Variants in DYM observed in about 807,000 individuals in gnomAD.
The protein encoded by DYM is dymeclin.
A neutral mutation model predicts 93.1 loss-of-function variants in DYM; 78 were observed. That is an observed-to-expected ratio of 0.84 (90% confidence interval 0.70 to 1.01). The LOEUF is 1.01. DYM is among the 50% of genes least tolerant of loss of function. The pLI is 0.00. For synonymous variants in DYM, 321 were observed against 319.7 expected (o/e 1.00, Z -0.04); for missense variants, 789 against 845.0 (o/e 0.93, Z 0.82).
At chr18:49,385,334 CA>C (rs1223388957) in intron 3 of DYM, among the ~76,000 whole-genome samples, 1 of 152,188 alleles carries the variant, frequency 6.6e-6, no homozygotes, top group Non-Finnish European at 1.5e-5. Flanking sequence ...CTCACCACAT[CA>C]TCCTAGTGGG....
At chr18:49,343,183 C>T (rs2064299758) in intron 6 of DYM, among the ~76,000 whole-genome samples, 1 of 152,214 alleles carries the variant, frequency 6.6e-6, no homozygotes, top group Admixed American at 6.5e-5. Context: ...CATCCCACAG[C>T]TGCCCACCCC....
At chr18:49,459,391 T>C (rs1434837270) in intron 1 of DYM, among the ~76,000 whole-genome samples, 1 of 152,152 alleles carries the variant, frequency 6.6e-6, no homozygotes, top group Non-Finnish European at 1.5e-5. Context: ...CAGAAATCCA[T>C]ATATTCATAA....
chr18:49,059,089 T>C (rs1204171697), intron 17 of DYM, among the ~76,000 whole-genome samples: 1 of 152,184 alleles, frequency 6.6e-6, no homozygotes, highest in East Asian at 1.9e-4. Flanking sequence ...ACGAAACACT[T>C]TCTGATGAAG....
chr18:49,321,124 A>C (rs1435919833), intron 8 of DYM: 1 of 355,554 alleles, frequency 2.8e-6, no homozygotes, highest in East Asian at 4.1e-5. Context: ...GTCTCAAAAA[A>C]TAGAATTCCA....
chr18:49,081,621 TC>T (rs1304307235), intron 17 of DYM, among the ~76,000 whole-genome samples: 2 of 152,042 alleles, frequency 1.3e-5, no homozygotes, highest in African/African-American at 4.8e-5. Context: ...TGTATTTTGA[TC>T]TTTTGTTTTT....
intron 6 of DYM, among the ~76,000 whole-genome samples, chr18:49,355,266 G>T (rs571286635): frequency 5.3e-4 from 80 of 151,846 alleles, no homozygotes; most frequent in African/African-American, 1.8e-3. Context: ...GATATCAATA[G>T]ATATAGATAT....
chr18:49,208,710 G>A, intron 14 of DYM: 1 of 152,014 alleles, frequency 6.6e-6, no homozygotes, highest in African/African-American at 2.4e-5. Flanking sequence ...GGTTGTCATG[G>A]AGTTTTCTCC....
chr18:49,312,098 T>C (rs1173221169), intron 8 of DYM, among the ~76,000 whole-genome samples: 2 of 152,156 alleles, frequency 1.3e-5, no homozygotes, highest in Non-Finnish European at 2.9e-5. Context: ...ATTGCTTATG[T>C]TGATGCACTG....
At chr18:49,091,383 G>T (rs918572372) in intron 17 of DYM, among the ~76,000 whole-genome samples, 1 of 152,126 alleles carries the variant, frequency 6.6e-6, no homozygotes, top group African/African-American at 2.4e-5. Context: ...CTGGAAGGTC[G>T]GGCAGGCATG....
intron 14 of DYM, among the ~76,000 whole-genome samples, chr18:49,192,468 T>C (rs1686758701): frequency 6.6e-6 from 1 of 152,178 alleles, no homozygotes; most frequent in African/African-American, 2.4e-5. Context: ...GAGGTAAGGG[T>C]TCGATTTCCC....
chr18:49,292,596 A>ACAAAACAAAAC (rs201393641), intron 8 of DYM, among the ~76,000 whole-genome samples: 17 of 6,686 alleles, frequency 2.5e-3, no homozygotes, highest in South Asian at 8.3e-3. Flanking sequence ...CTGTTGGAAA[A>ACAAAACAAAAC]AAAAAAAAAA....
intron 5 of DYM, among the ~76,000 whole-genome samples, chr18:49,363,964 A>G (rs1487672303): frequency 6.6e-6 from 1 of 152,092 alleles, no homozygotes; most frequent in Non-Finnish European, 1.5e-5. Context: ...CCTTCATGAA[A>G]TTCTTTCTTT....
chr18:49,206,971 T>A (rs996636703), intron 14 of DYM, among the ~76,000 whole-genome samples: 2 of 152,218 alleles, frequency 1.3e-5, no homozygotes, highest in African/African-American at 4.8e-5. Flanking sequence ...CTGCTGGGCA[T>A]CAGGGGAAGG....
intron 14 of DYM, among the ~76,000 whole-genome samples, chr18:49,179,840 A>G (rs752165314): frequency 6.6e-6 from 1 of 152,142 alleles, no homozygotes; most frequent in Non-Finnish European, 1.5e-5. Flanking sequence ...TCTTACTACC[A>G]GCACCATCAT....
chr18:49,320,576 G>T (rs2062392751), intron 8 of DYM, among the ~76,000 whole-genome samples: 1 of 152,152 alleles, frequency 6.6e-6, no homozygotes, highest in Admixed American at 6.5e-5. Flanking sequence ...CCGGGTTCAA[G>T]TAATCCTCTC....
At chr18:49,340,315 A>G (rs1282326095) in intron 6 of DYM, among the ~76,000 whole-genome samples, 1 of 152,132 alleles carries the variant, frequency 6.6e-6, no homozygotes, top group South Asian at 2.1e-4. Context: ...TAACTCTTAA[A>G]AACAGTTTTG....
At chr18:49,244,953 G>C (rs1016276490) in intron 13 of DYM, among the ~76,000 whole-genome samples, 2 of 152,296 alleles carry the variant, frequency 1.3e-5, no homozygotes, top group East Asian at 1.9e-4. Flanking sequence ...CGGAACAGAG[G>C]GACTGGCTGA....
At chr18:49,451,203 T>G (rs1403651278) in intron 1 of DYM, among the ~76,000 whole-genome samples, 1 of 152,198 alleles carries the variant, frequency 6.6e-6, no homozygotes, top group Non-Finnish European at 1.5e-5. Flanking sequence ...AGCATGATTG[T>G]TTCTCTCTGC....
At chr18:49,330,857 A>C (rs2063256937) in intron 8 of DYM, among the ~76,000 whole-genome samples, 1 of 152,364 alleles carries the variant, frequency 6.6e-6, no homozygotes, top group Admixed American at 6.5e-5. Flanking sequence ...CCAAAGGCAG[A>C]AGTGATCACA....
Sources: allele counts gnomAD v4.1 joint callset (sites outside exome capture counted in the v4.1 genomes callset), GRCh38; gene constraint gnomAD v4.1.1; transcripts MANE v1.5; gene names NCBI Gene and HGNC (gene_info 2026-07-23, HGNC 2026-07-21).